VLDLR: variants seen among roughly 807,000 people sequenced by gnomAD.
VLDLR encodes the protein very low density lipoprotein receptor, also known as very low-density lipoprotein receptor.
In VLDLR, 81 loss-of-function variants were observed where a neutral mutation model predicts 112.7. The ratio of observed to expected loss-of-function variants is 0.72; its 90% CI spans 0.60 to 0.86. The LOEUF is 0.86. Among genes scored for constraint, VLDLR ranks in the 40% least tolerant of loss-of-function variants. The pLI is 0.00. For synonymous variants in VLDLR, 436 were observed against 384.8 expected (o/e 1.13, Z -1.56); for missense variants, 1,237 against 1,099.4 (o/e 1.13, Z -1.77).
chr9:2,625,571 G>C (rs1377669726), intron 1 of VLDLR, among the ~76,000 whole-genome samples: 1 of 152,136 alleles, frequency 6.6e-6, no homozygotes, highest in Non-Finnish European at 1.5e-5. Flanking sequence ...TGTATTAAAG[G>C]GCTTGATGAG....
Position 2,650,518 on chromosome 9 carries a change from TA to T in VLDLR, c.2251+4del, listed in dbSNP as rs750524910. The T allele has an allele frequency of 1.2e-6, 2 of 1,613,196 alleles. No individual in the cohort carries two copies. Among genetic ancestry groups the T allele is most frequent in the African/African-American group, 2.7e-5 (2 of 74,924 alleles). ...AGGAAAATGGCCGAGACTGTCAAAG[TA>T]AGGCATTTTGTGTTTCAACCACAAG... On this transcript the variant is annotated splice_donor_region_variant and intron_variant, in intron 15 of 18. Coordinates refer to ENST00000382100, the MANE Select transcript of VLDLR (RefSeq NM_003383.5).
chr9:2,626,712 T>G (rs924576146), intron 1 of VLDLR, among the ~76,000 whole-genome samples: 1 of 152,184 alleles, frequency 6.6e-6, no homozygotes, highest in Non-Finnish European at 1.5e-5. Context: ...GGAGCCTTTA[T>G]GTATGTAGAC....
Position 2,651,458 on chromosome 9 carries a change from C to T in VLDLR, c.2295C>T (p.Asn765=), listed in dbSNP as rs1199516842. The T allele has an allele frequency of 1.2e-6, 2 of 1,613,970 alleles. No homozygotes were observed. The highest frequency in any genetic ancestry group is 2.2e-5 in the East Asian group (1 of 44,864). ...TVTYSETKDT[N]TTEISATSGL... ...CTTACAGTGAGACAAAAGATACGAA[C>T]ACAACAGAAATTTCAGCAACTAGTG... Residue 765 remains asparagine (N), a synonymous_variant, in exon 16 of 19, where the codon AAC becomes AAT. Transcript: ENST00000382100.
intron 1 of VLDLR, among the ~76,000 whole-genome samples, chr9:2,634,101 C>T (rs1020276022): frequency 2.0e-5 from 3 of 152,134 alleles, no homozygotes; most frequent in Admixed American, 2.0e-4. Context: ...GTTTTAAAAG[C>T]AACATATTTA....
intron 10 of VLDLR, among the ~76,000 whole-genome samples, 156 bp downstream of exon 10, chr9:2,645,901 T>TG (rs1818049009): frequency 6.6e-6 from 1 of 152,246 alleles, no homozygotes; most frequent in South Asian, 2.1e-4. Context: ...TTTATTAAAC[T>TG]GTTATCACTT....
In VLDLR at chr9:2,654,368, AT is replaced by A. The variant is rs1818504567; in HGVS notation, c.*504del. 1.2e-5 allele frequency: 2 copies of A among 162,590 alleles called. No homozygotes were observed. The highest frequency in any genetic ancestry group is 3.4e-4 in the South Asian group (2 of 5,940). 10.1% of individuals were successfully genotyped at this position (162,590 alleles called of 1,614,324 possible). A position where few individuals can be genotyped will look rare whatever the true frequency, so the allele number is the denominator to read the frequency against. ...AATTGCCAAAAAAATTTATAAACTA[AT>A]TTTGTACGTATGAATGATATCTTTG... On this transcript the variant is annotated 3_prime_UTR_variant, in exon 19 of 19. Coordinates refer to ENST00000382100, the MANE Select transcript of VLDLR (RefSeq NM_003383.5).
intron 11 of VLDLR, among the ~76,000 whole-genome samples, chr9:2,646,890 C>A (rs935206473): frequency 6.6e-6 from 1 of 152,154 alleles, no homozygotes; most frequent in East Asian, 1.9e-4. Context: ...TGACTGAAAG[C>A]TTTGCTGGGC....
intron 1 of VLDLR, among the ~76,000 whole-genome samples, chr9:2,630,570 AG>A (rs1817305761): frequency 6.6e-6 from 1 of 152,198 alleles, no homozygotes; most frequent in African/African-American, 2.4e-5. Context: ...TGCTCCTGCC[AG>A]GGTGCTGCTC....
intron 1 of VLDLR, among the ~76,000 whole-genome samples, chr9:2,630,407 T>C (rs1304315428): frequency 6.6e-6 from 1 of 151,990 alleles, no homozygotes; most frequent in Non-Finnish European, 1.5e-5. Flanking sequence ...AACACCCATA[T>C]GCTCAAGCAA....
rs1316949297 is a variant in VLDLR at position 2,643,765 on chromosome 9, T to C, written c.943+15T>C. 3 of 1,614,138 alleles carry C rather than the reference T, an allele frequency of 1.9e-6. No homozygotes were observed. The highest frequency in any genetic ancestry group is 2.5e-6 in the Non-Finnish European group (3 of 1,180,052). On this transcript the variant is annotated intron_variant, in intron 6 of 18. Transcript: ENST00000382100. ...CTGCAAAAATGGTAAGGGTTTCTTCTTGTTGGTTAAGCAATGGATTGCTCT... is the reference window on the plus strand; with the variant it reads ...CTGCAAAAATGGTAAGGGTTTCTTCCTGTTGGTTAAGCAATGGATTGCTCT...
rs1482985281 is a variant in VLDLR at position 2,645,575 on chromosome 9, C to T, written c.1314C>T (p.Gly438=). 1.9e-6 allele frequency: 3 copies of T among 1,614,200 alleles called. No individual in the cohort carries two copies. The Admixed American group carries it at 5.0e-5, about 27-fold the overall frequency. The change falls in exon 10 of 19, where the codon GGC becomes GGT. Residue 438 remains glycine, a splice_region_variant and synonymous_variant. Coordinates refer to ENST00000382100, the MANE Select transcript of VLDLR (RefSeq NM_003383.5). ...DLATGVCKAV[G]KEPSLIFTNR... ...GTAACCCAGACTTCCATCTTGCAGG[C>T]AAAGAGCCAAGTCTGATCTTCACTA...
intron 18 of VLDLR, 137 bp from the exon 19 acceptor site, chr9:2,653,696 T>A: frequency 1.1e-6 from 1 of 871,382 alleles, no homozygotes; most frequent in Non-Finnish European, 2.0e-6. Flanking sequence ...TCAGTATTCT[T>A]TTGTATCTGA....
At chr9:2,645,842 C>A in intron 10 of VLDLR, 97 bp downstream of exon 10, 1 of 1,419,744 alleles carries the variant, frequency 7.0e-7, no homozygotes, top group Non-Finnish European at 9.9e-7. Context: ...TTGTGTCTAG[C>A]CCCATCTAGC....
Position 2,633,624 on chromosome 9 carries a change from A to C in VLDLR, c.83-1829A>C, listed in dbSNP as rs370916696. On this transcript the variant is annotated intron_variant, in intron 1 of 18. Coordinates refer to ENST00000382100, the MANE Select transcript of VLDLR (RefSeq NM_003383.5). ...TTGGTAACTAAAACCTTAAAAAAAA[A>C]ATCAGAGGCTTTCAGTCTTTACTGT... Among the ~76,000 whole-genome samples the C allele has an allele frequency of 2.4e-4, 37 of 152,298 alleles. 1 individual carries two copies. Among genetic ancestry groups the C allele is most frequent in the African/African-American group, 8.9e-4 (37 of 41,560 alleles).
intron 14 of VLDLR, among the ~76,000 whole-genome samples, chr9:2,649,040 G>A (rs1253833150): frequency 6.6e-6 from 1 of 152,160 alleles, no homozygotes; most frequent in African/African-American, 2.4e-5. Flanking sequence ...CAGTGTCAGA[G>A]CTTTTATTTC....
At chr9:2,638,515 T>A (rs1817692576) in intron 2 of VLDLR, among the ~76,000 whole-genome samples, 1 of 151,668 alleles carries the variant, frequency 6.6e-6, no homozygotes. Flanking sequence ...GGTATAAGCA[T>A]ATAGGCAAGA....
rs148266617 is a variant in VLDLR at position 2,641,587 on chromosome 9, C to T, written c.448+88C>T. 5,411 of 1,590,566 alleles carry T rather than the reference C, an allele frequency of 3.4e-3. 33 individuals are homozygous for T. The highest frequency in any genetic ancestry group is 3.4e-3 in the Non-Finnish European group (3,917 of 1,161,908). ...GGGGAAACTAATCTAAGCCTGAAGACGCACTGACATTGACTCACTTTTCAG... is the reference window on the plus strand; with the variant it reads ...GGGGAAACTAATCTAAGCCTGAAGATGCACTGACATTGACTCACTTTTCAG... On this transcript the variant is annotated intron_variant, in intron 4 of 18. Coordinates refer to ENST00000382100, the MANE Select transcript of VLDLR (RefSeq NM_003383.5).
intron 9 of VLDLR, 54 bp downstream of exon 9, chr9:2,645,136 A>G: frequency 6.2e-7 from 1 of 1,612,498 alleles, no homozygotes; most frequent in East Asian, 2.2e-5. Context: ...AAGTGCCTCT[A>G]AAAGGTACAG....
At position 2,621,822 on chromosome 9, in the gene VLDLR, C is replaced by A. The variant is rs777367729; in HGVS notation, c.-368C>A. Reference sequence around the variant, plus strand: ...CCGGCCGCCGCCGGTGCGGGTGCTCCGCTACCGGCTCCTCTCCGTTCTGTG... The same window carrying A: ...CCGGCCGCCGCCGGTGCGGGTGCTCAGCTACCGGCTCCTCTCCGTTCTGTG... On this transcript the variant is annotated 5_prime_UTR_variant, in exon 1 of 19. Coordinates refer to ENST00000382100, the MANE Select transcript of VLDLR (RefSeq NM_003383.5). 8 of 506,432 alleles carry A rather than the reference C, an allele frequency of 1.6e-5. No individual in the cohort carries two copies. The East Asian group carries it at 1.7e-4, about 11-fold the overall frequency. 31.4% of individuals were successfully genotyped at this position (506,432 alleles called of 1,614,324 possible).
Sources: allele counts gnomAD v4.1 joint callset (sites outside exome capture counted in the v4.1 genomes callset), GRCh38; gene constraint gnomAD v4.1.1; transcripts MANE v1.5; gene names NCBI Gene and HGNC (gene_info 2026-07-23, HGNC 2026-07-21).